TBL1XR1: variants seen among roughly 807,000 people sequenced by gnomAD.
TBL1XR1 encodes the protein F-box-like/WD repeat-containing protein TBL1XR1.
TBL1XR1 carries 5 observed loss-of-function variants against 66.9 expected under a neutral mutation model. The ratio of observed to expected loss-of-function variants is 0.07; its 90% confidence interval spans 0.04 to 0.16. The LOEUF (loss-of-function observed/expected upper bound fraction) is 0.16. Ranked by LOEUF, TBL1XR1 falls within the 10% of genes least tolerant of loss-of-function variation. The pLI is 1.00. For missense variants in TBL1XR1, 238 were observed against 623.2 expected (o/e 0.38, Z 6.58); for synonymous variants, 210 against 206.0 (o/e 1.02, Z -0.17).
At chr3:177,196,616 G>C (rs1477324631) in intron 1 of TBL1XR1, 2 of 151,106 alleles carry the variant, frequency 1.3e-5, no homozygotes, top group African/African-American at 2.4e-5. Flanking sequence ...GCCGCCCGAG[G>C]TTTCACAAAA....
At chr3:177,085,247 G>C (rs1452802762) in intron 2 of TBL1XR1, among the ~76,000 whole-genome samples, 1 of 152,148 alleles carries the variant, frequency 6.6e-6, no homozygotes, top group Non-Finnish European at 1.5e-5. Flanking sequence ...GAGAACTGAA[G>C]ACACAAATCA....
At chr3:177,038,757 G>C (rs1248497666) in intron 10 of TBL1XR1, among the ~76,000 whole-genome samples, 1 of 152,168 alleles carries the variant, frequency 6.6e-6, no homozygotes, top group Non-Finnish European at 1.5e-5. Context: ...TAAATGTGAT[G>C]ATATCATGCT....
upstream of TBL1XR1, chr3:177,201,704 C>A (rs890695970): frequency 1.3e-5 from 2 of 152,208 alleles, no homozygotes; most frequent in African/African-American, 2.4e-5. Flanking sequence ...AAATATTCTC[C>A]TAGTGCTATA....
intron 2 of TBL1XR1, chr3:177,078,887 T>G (rs1721039398): frequency 6.6e-6 from 1 of 150,762 alleles, no homozygotes; most frequent in Non-Finnish European, 1.5e-5. Flanking sequence ...AGGCAGAGCT[T>G]GCAGTGAGCT....
At chr3:177,196,702 A>T (rs1411557951) in intron 1 of TBL1XR1, among the ~76,000 whole-genome samples, 1 of 150,174 alleles carries the variant, frequency 6.7e-6, no homozygotes, top group Non-Finnish European at 1.5e-5. Flanking sequence ...TGGCTCCTTG[A>T]TTCAATTTGC....
intron 1 of TBL1XR1, among the ~76,000 whole-genome samples, chr3:177,145,252 T>C (rs76362624): frequency 0.04 from 6,075 of 152,340 alleles, 180 homozygotes; most frequent in Middle Eastern, 0.078. Flanking sequence ...CACTGTGTTT[T>C]AGTAAATAAA....
chr3:177,181,338 G>A (rs548326844), intron 1 of TBL1XR1, among the ~76,000 whole-genome samples: 1 of 152,082 alleles, frequency 6.6e-6, no homozygotes, highest in South Asian at 2.1e-4. Flanking sequence ...AAATTAGCCA[G>A]GTGTGGTGGC....
At chr3:177,027,942 C>T (rs971619220) in intron 14 of TBL1XR1, 10 of 152,210 alleles carry the variant, frequency 6.6e-5, no homozygotes, top group South Asian at 2.1e-4. Flanking sequence ...ATAAAATCTA[C>T]AGTCAACCTA....
In TBL1XR1 at chr3:177,186,410, AG is replaced by A. The variant is rs148769821; in HGVS notation, c.-122+10710del. ...CCCATAAAAAGGTAATTGCAGAAAA[AG>A]AAAAGATAAATTCATTATCTATTCT... On this transcript the variant is annotated intron_variant, in intron 1 of 15. Coordinates refer to ENST00000457928, the MANE Select transcript of TBL1XR1 (RefSeq NM_024665.7). 7.1e-3 allele frequency among the ~76,000 whole-genome samples: 1,083 copies of A among 152,292 alleles called. 18 individuals are homozygous for A. Among genetic ancestry groups the A allele is most frequent in the African/African-American group, 0.024 (1,015 of 41,564 alleles).
At chr3:177,068,762 A>G (rs1026532619) in intron 2 of TBL1XR1, among the ~76,000 whole-genome samples, 15 of 152,230 alleles carry the variant, frequency 9.9e-5, no homozygotes, top group Non-Finnish European at 2.2e-4. Context: ...CCTCGATTAC[A>G]TAATTTTAAA....
Position 177,098,452 on chromosome 3 carries a change from T to C in TBL1XR1, c.-46+14A>G. On this transcript the variant is annotated intron_variant, in intron 2 of 15. Coordinates refer to ENST00000457928, the MANE Select transcript of TBL1XR1 (RefSeq NM_024665.7). ...GAATAAGAAACACTGACATTGGGAG[T>C]TGGAGAGTCTTACCATTGGCAGTGC... The C allele has an allele frequency of 1.0e-6, 1 of 983,550 alleles. No homozygotes were observed. Among genetic ancestry groups the C allele is most frequent in the South Asian group, 4.7e-5 (1 of 21,206 alleles). The allele number at this position is 983,550 out of a possible 1,614,324, so 60.9% of individuals were successfully genotyped here.
intron 1 of TBL1XR1, among the ~76,000 whole-genome samples, chr3:177,161,286 A>T (rs916459212): frequency 3.3e-5 from 5 of 152,172 alleles, no homozygotes; most frequent in Admixed American, 1.3e-4. Context: ...GCTAGTTTAC[A>T]TGCTACCCCT....
chr3:177,124,888 G>T (rs770899114), intron 1 of TBL1XR1, among the ~76,000 whole-genome samples: 1 of 151,924 alleles, frequency 6.6e-6, no homozygotes, highest in African/African-American at 2.4e-5. Flanking sequence ...CAAAAGAAAT[G>T]AATTTAGAAC....
intron 3 of TBL1XR1, among the ~76,000 whole-genome samples, chr3:177,057,349 T>C (rs1009412253): frequency 2.0e-5 from 3 of 152,248 alleles, no homozygotes. Context: ...TGTGTGGCTA[T>C]GGTTGTTTGC....
At chr3:177,139,735 A>G (rs1729422676) in intron 1 of TBL1XR1, among the ~76,000 whole-genome samples, 1 of 152,244 alleles carries the variant, frequency 6.6e-6, no homozygotes, top group Non-Finnish European at 1.5e-5. Context: ...AACGTAAGAC[A>G]TGCAAAAGTG....
chr3:177,055,086 G>A (rs530388235), intron 3 of TBL1XR1, among the ~76,000 whole-genome samples: 2 of 152,174 alleles, frequency 1.3e-5, no homozygotes, highest in South Asian at 2.1e-4. Flanking sequence ...CTAAACAAAG[G>A]AAATAAATAC....
At chr3:177,032,880 G>A in intron 14 of TBL1XR1, 91 bp downstream of exon 14, 4 of 1,065,898 alleles carry the variant, frequency 3.8e-6, no homozygotes, top group Admixed American at 3.7e-5. Flanking sequence ...GCCACAAGAG[G>A]AATGACAACC....
intron 1 of TBL1XR1, among the ~76,000 whole-genome samples, chr3:177,189,135 G>C (rs1735801374): frequency 6.6e-6 from 1 of 152,068 alleles, no homozygotes; most frequent in Non-Finnish European, 1.5e-5. Context: ...TTGAACCCAG[G>C]AGGTGGAGAT....
rs1199968189 is a variant in TBL1XR1 at position 177,021,536 on chromosome 3, C to T, written c.*3962G>A. The T allele has an allele frequency of 6.6e-6, 1 of 152,506 alleles. No individual in the cohort carries two copies. Among genetic ancestry groups the T allele is most frequent in the African/African-American group, 2.4e-5 (1 of 41,418 alleles). 9.4% of individuals were successfully genotyped at this position (152,506 alleles called of 1,614,324 possible). A position where few individuals can be genotyped will look rare whatever the true frequency, so the allele number is the denominator to read the frequency against. ...GAACACTTCCTCTTTCTTCTCTCTT[C>T]TACATTTAACTAGAATCATGTTTAA... On this transcript the variant is annotated 3_prime_UTR_variant, in exon 16 of 16. Coordinates refer to ENST00000457928, the MANE Select transcript of TBL1XR1 (RefSeq NM_024665.7).
Sources: gnomAD v4.1 joint callset for allele counts (sites outside exome capture counted in the v4.1 genomes callset) on GRCh38, gnomAD v4.1.1 for gene constraint, MANE v1.5 for transcripts, NCBI Gene and HGNC (gene_info 2026-07-23, HGNC 2026-07-21) for gene names.